ADCY1: variants seen among roughly 807,000 people sequenced by gnomAD.
ADCY1 encodes adenylate cyclase type 1.
A neutral mutation model predicts 105.4 loss-of-function variants in ADCY1; 28 were observed. The ratio of observed to expected loss-of-function variants is 0.27; its 90% CI spans 0.20 to 0.36. The LOEUF is 0.36. Ranked by LOEUF, ADCY1 falls within the 10% of genes least tolerant of loss-of-function variation. ADCY1 has a pLI of 1.00. For synonymous variants in ADCY1, 655 were observed against 623.8 expected, an observed-to-expected ratio of 1.05 and a Z score of -0.75; for missense variants, 977 against 1,434.2, an observed-to-expected ratio of 0.68 and a Z score of 5.15.
chr7:45,680,505 T>C lies in ADCY1; in HGVS notation c.1983+712T>C, dbSNP rs1229118208. ...TCAGCCGACCCCAGGATGTCACTTC[T>C]GGCAGACCCAGTGTTATATTTGCAT... On this transcript the variant is annotated intron_variant, in intron 11 of 19. Coordinates refer to ENST00000297323, the MANE Select transcript of ADCY1 (RefSeq NM_021116.4). The C allele has an allele frequency of 2.0e-5, 3 of 152,302 alleles. No individual in the cohort carries two copies. The South Asian group carries it at 6.2e-4, about 31-fold the overall frequency. 9.4% of individuals were successfully genotyped at this position (152,302 alleles called of 1,614,324 possible). A position where few individuals can be genotyped will look rare whatever the true frequency, so the allele number is the denominator to read the frequency against.
chr7:45,702,916 A>G (rs1253316590), intron 14 of ADCY1, among the ~76,000 whole-genome samples: 2 of 152,192 alleles, frequency 1.3e-5, no homozygotes, highest in Non-Finnish European at 2.9e-5. Flanking sequence ...GGCTCTAGTG[A>G]AGACCAGAGA....
chr7:45,687,737 G>A (rs906644895), intron 14 of ADCY1, among the ~76,000 whole-genome samples: 4 of 152,214 alleles, frequency 2.6e-5, no homozygotes, highest in African/African-American at 7.2e-5. Flanking sequence ...GAACACAGGG[G>A]CCACTAAAGT....
In ADCY1 at chr7:45,658,633, C is replaced by T. The variant is rs920833695; in HGVS notation, c.1307+748C>T. 2.0e-5 allele frequency among the ~76,000 whole-genome samples: 3 copies of T among 152,256 alleles called. No homozygotes were observed. In the East Asian group the frequency reaches 5.8e-4, roughly 29 times the overall value. ...GTGAGAGCTGGTGTTTTCCTCTCCC[C>T]GTTGGCTCCCAAGGCCGGGCTATGC... On this transcript the variant is annotated intron_variant, in intron 6 of 19. Transcript: ENST00000297323.
intron 7 of ADCY1, 106 bp from the exon 8 acceptor site, chr7:45,661,953 C>T (rs1795118007): frequency 1.5e-6 from 2 of 1,364,628 alleles, no homozygotes; most frequent in Non-Finnish European, 2.0e-6. Flanking sequence ...CAAATGAATC[C>T]CAGTGCCCTG....
intron 14 of ADCY1, among the ~76,000 whole-genome samples, chr7:45,700,558 C>T (rs1477613491): frequency 6.6e-6 from 1 of 152,164 alleles, no homozygotes; most frequent in Non-Finnish European, 1.5e-5. Flanking sequence ...CCTCAGGACA[C>T]TGGATGGTTC....
rs1792286864 is a variant in ADCY1, at chr7:45,574,897, G to C, written c.354G>C (p.Gln118His). ...VTNVRSLQVP[Q>H]LQQVGQLALL... ...ACGTCCGGTCCCTGCAGGTGCCCCA[G>C]CTGCAGCAGGTCGGCCAGCTGGCGC... Residue 118 changes from glutamine to histidine, a missense_variant, in exon 1 of 20, where the codon CAG becomes CAC. Physicochemically the swap from Gln to His is conservative, Grantham distance 24. Around this residue, in one of 7 missense-constraint regions of ADCY1, gnomAD observed 209 missense variants for 222.5 expected, o/e 0.94. Coordinates refer to ENST00000297323, the MANE Select transcript of ADCY1 (RefSeq NM_021116.4). The surrounding 1 kb of genome is among the most constrained non-coding windows in gnomAD (Gnocchi z 7.0). 2 of 1,611,958 alleles carry C rather than the reference G, an allele frequency of 1.2e-6. No homozygotes were observed. The highest frequency in any genetic ancestry group is 1.7e-6 in the Non-Finnish European group (2 of 1,179,718).
intron 1 of ADCY1, among the ~76,000 whole-genome samples, chr7:45,583,787 T>C (rs1239566086): frequency 6.6e-6 from 1 of 151,932 alleles, no homozygotes; most frequent in Non-Finnish European, 1.5e-5. Context: ...ATTACAGGCA[T>C]GCACCACCAC....
chr7:45,607,206 C>G (rs940437014), intron 2 of ADCY1, among the ~76,000 whole-genome samples: 2 of 152,170 alleles, frequency 1.3e-5, no homozygotes, highest in African/African-American at 4.8e-5. Flanking sequence ...CAGTGGCTTA[C>G]AGAAGTAACA....
chr7:45,673,914 A>T (rs1175111215), intron 8 of ADCY1, among the ~76,000 whole-genome samples: 1 of 136,108 alleles, frequency 7.3e-6, no homozygotes, highest in Non-Finnish European at 1.6e-5. Flanking sequence ...ACCTTTCAGC[A>T]CTGCTTTAGC....
intron 10 of ADCY1, among the ~76,000 whole-genome samples, chr7:45,678,713 A>G (rs2177012): frequency 1.6e-5 from 2 of 123,772 alleles, no homozygotes; most frequent in Non-Finnish European, 1.7e-5. Flanking sequence ...CACTCTATCT[A>G]CAAAAAAAAA....
intron 19 of ADCY1, among the ~76,000 whole-genome samples, 191 bp from the exon 20 acceptor site, chr7:45,713,502 A>T (rs1211772439): frequency 6.6e-6 from 1 of 152,190 alleles, no homozygotes; most frequent in East Asian, 1.9e-4. Context: ...CTTTTTTAAC[A>T]TAGTGACCCA....
chr7:45,673,021 G>T (rs1329700027), intron 8 of ADCY1, among the ~76,000 whole-genome samples: 1 of 152,008 alleles, frequency 6.6e-6, no homozygotes, highest in Non-Finnish European at 1.5e-5. Context: ...TCATGAATGG[G>T]TATTGAATTT....
chr7:45,586,927 G>A (rs1019049794), intron 1 of ADCY1, among the ~76,000 whole-genome samples: 3 of 152,232 alleles, frequency 2.0e-5, no homozygotes, highest in Non-Finnish European at 2.9e-5. Context: ...CAGGCCCCCC[G>A]ACCTGTGCCT....
At chr7:45,579,535 C>T (rs1250163758) in intron 1 of ADCY1, among the ~76,000 whole-genome samples, 1 of 152,224 alleles carries the variant, frequency 6.6e-6, no homozygotes, top group African/African-American at 2.4e-5. Flanking sequence ...GGCCTGCAGC[C>T]TGGTCCTGTC....
chr7:45,592,944 G>C (rs757233303), intron 2 of ADCY1, 36 bp downstream of exon 2: 2 of 1,610,678 alleles, frequency 1.2e-6, no homozygotes, highest in Non-Finnish European at 1.7e-6. Flanking sequence ...AGAGGGGTTG[G>C]CTGTGGGGCT....
Position 45,714,893 on chromosome 7 carries a change from T to G in ADCY1, c.*898T>G, listed in dbSNP as rs1158424465. 1 of 152,322 alleles carries G rather than the reference T, an allele frequency of 6.6e-6. No individual in the cohort carries two copies. Among genetic ancestry groups the G allele is most frequent in the Non-Finnish European group, 1.5e-5 (1 of 68,068 alleles). 9.4% of individuals were successfully genotyped at this position (152,322 alleles called of 1,614,324 possible). ...ATTTCTTCTTTTCCCTGTGGCATCGTGGATCCTTTACATTTAGCAACAACA... is the reference window on the plus strand; with the variant it reads ...ATTTCTTCTTTTCCCTGTGGCATCGGGGATCCTTTACATTTAGCAACAACA... On this transcript the variant is annotated 3_prime_UTR_variant, in exon 20 of 20. Transcript: ENST00000297323.
intron 2 of ADCY1, among the ~76,000 whole-genome samples, chr7:45,605,146 A>G (rs982149028): frequency 8.5e-5 from 13 of 152,172 alleles, no homozygotes; most frequent in African/African-American, 3.1e-4. Context: ...TAGAAATGTA[A>G]TTGACTTTTG....
chr7:45,623,375 C>A (rs113650961), intron 4 of ADCY1, among the ~76,000 whole-genome samples: 375 of 152,334 alleles, frequency 2.5e-3, no homozygotes, highest in African/African-American at 8.6e-3. Flanking sequence ...GATGAGCAAG[C>A]TAGCCAAACC....
At chr7:45,622,487 G>C (rs555265677) in intron 3 of ADCY1, 145 bp from the exon 4 acceptor site, 70 of 633,302 alleles carry the variant, frequency 1.1e-4, no homozygotes, top group Non-Finnish European at 1.8e-4. Flanking sequence ...TGGGAACCAG[G>C]AAGCCTTCAT....
Sources: gnomAD v4.1 joint callset for allele counts (sites outside exome capture counted in the v4.1 genomes callset) on GRCh38, gnomAD v4.1.1 for gene constraint, gnomAD v4.1.1 regional missense constraint, Gnocchi (gnomAD v3.1) non-coding constraint, MANE v1.5 for transcripts, NCBI Gene and HGNC (gene_info 2026-07-23, HGNC 2026-07-21) for gene names.